GALNT17: variants seen among roughly 807,000 people sequenced by gnomAD.
The protein encoded by GALNT17 is UDP-GalNAc:polypeptide N-acetylgalactosaminyltransferase-like 3.
A neutral mutation model predicts 63.7 loss-of-function variants in GALNT17; 29 were observed. That is an observed-to-expected ratio of 0.46 (90% CI 0.34 to 0.62). GALNT17 has a LOEUF of 0.62. Among genes scored for constraint, GALNT17 ranks in the 20% least tolerant of loss-of-function variants. The pLI is 0.01. For missense variants in GALNT17, 603 were observed against 799.6 expected (o/e 0.75, Z 2.97); for synonymous variants, 305 against 318.3 (o/e 0.96, Z 0.45).
At chr7:71,711,086 G>T (rs1370175755) in intron 10 of GALNT17, among the ~76,000 whole-genome samples, 158 bp downstream of exon 10, 1 of 152,048 alleles carries the variant, frequency 6.6e-6, no homozygotes. Flanking sequence ...AGCACTTCCT[G>T]GGGGCAGCTG....
At chr7:71,214,579 CTT>C (rs11442081) in intron 1 of GALNT17, among the ~76,000 whole-genome samples, 19 of 138,032 alleles carry the variant, frequency 1.4e-4, no homozygotes, top group Non-Finnish European at 1.1e-4. Flanking sequence ...CTTGATTTGG[CTT>C]TTTTTTTTTT....
intron 1 of GALNT17, among the ~76,000 whole-genome samples, chr7:71,318,701 T>C (rs1791547057): frequency 6.6e-6 from 1 of 152,142 alleles, no homozygotes; most frequent in South Asian, 2.1e-4. Flanking sequence ...GTGCTGGAAT[T>C]ACAGATGTGA....
At chr7:71,370,296 C>T (rs1792597701) in intron 2 of GALNT17, among the ~76,000 whole-genome samples, 1 of 152,098 alleles carries the variant, frequency 6.6e-6, no homozygotes, top group African/African-American at 2.4e-5. Context: ...AGTGGAGTGA[C>T]TGATTTTATG....
intron 1 of GALNT17, among the ~76,000 whole-genome samples, chr7:71,313,104 C>T (rs570853148): frequency 7.2e-5 from 11 of 152,126 alleles, no homozygotes; most frequent in African/African-American, 9.6e-5. Flanking sequence ...AGCGAGACCC[C>T]GTATCTTTAA....
chr7:71,338,811 G>T (rs1457971695), intron 2 of GALNT17, among the ~76,000 whole-genome samples: 1 of 152,142 alleles, frequency 6.6e-6, no homozygotes, highest in East Asian at 1.9e-4. Flanking sequence ...AATCAGTTAA[G>T]TGTCTTGGTT....
intron 1 of GALNT17, among the ~76,000 whole-genome samples, chr7:71,319,866 G>A (rs1791572936): frequency 6.6e-6 from 1 of 152,214 alleles, no homozygotes; most frequent in African/African-American, 2.4e-5. Context: ...CTAAGCCACA[G>A]ATTGGATCTT....
intron 5 of GALNT17, among the ~76,000 whole-genome samples, chr7:71,424,901 C>T (rs999248924): frequency 2.0e-5 from 3 of 152,260 alleles, no homozygotes; most frequent in Non-Finnish European, 2.9e-5. Flanking sequence ...ACTGAGACTT[C>T]CCGGTAAGCA....
At chr7:71,393,163 A>G (rs1793079982) in intron 3 of GALNT17, among the ~76,000 whole-genome samples, 1 of 152,128 alleles carries the variant, frequency 6.6e-6, no homozygotes, top group South Asian at 2.1e-4. Flanking sequence ...GCATGGCTTC[A>G]TTAATAGTGA....
At chr7:71,554,513 G>T (rs1009012944) in intron 5 of GALNT17, among the ~76,000 whole-genome samples, 1 of 152,042 alleles carries the variant, frequency 6.6e-6, no homozygotes, top group South Asian at 2.1e-4. Flanking sequence ...CCTCCCCTTC[G>T]CCTGGGGTAC....
chr7:71,300,755 T>C (rs140413045), intron 1 of GALNT17: 52 of 219,480 alleles, frequency 2.4e-4, no homozygotes, highest in African/African-American at 1.2e-3. Flanking sequence ...TCCTCTCAGC[T>C]AGGACTTTCT....
intron 5 of GALNT17, among the ~76,000 whole-genome samples, chr7:71,564,607 A>T (rs1282286207): frequency 6.6e-6 from 1 of 151,840 alleles, no homozygotes; most frequent in African/African-American, 2.4e-5. Context: ...TTTTCCTGTG[A>T]CACCAACAGC....
chr7:71,180,043 T>A (rs1160895912), intron 1 of GALNT17, among the ~76,000 whole-genome samples: 1 of 152,218 alleles, frequency 6.6e-6, no homozygotes, highest in Non-Finnish European at 1.5e-5. Flanking sequence ...AAACTGTACT[T>A]ATTTAAAGCA....
intron 3 of GALNT17, among the ~76,000 whole-genome samples, chr7:71,391,633 C>T (rs59245359): frequency 0.017 from 2,548 of 151,976 alleles, 77 homozygotes; most frequent in African/African-American, 0.058. Context: ...CAGGCATGTG[C>T]CATCATGCCT....
intron 6 of GALNT17, among the ~76,000 whole-genome samples, chr7:71,593,568 G>A (rs1295152605): frequency 6.6e-6 from 1 of 152,032 alleles, no homozygotes; most frequent in Non-Finnish European, 1.5e-5. Flanking sequence ...CTGGCCCCTT[G>A]ACAATTTTGA....
At chr7:71,693,297 C>CATATATATATATAT (rs1277874254) in intron 9 of GALNT17, among the ~76,000 whole-genome samples, 2 of 115,620 alleles carry the variant, frequency 1.7e-5, no homozygotes, top group African/African-American at 7.8e-5. Context: ...CACACACACA[C>CATATATATATATAT]ACACACACAC....
chr7:71,436,111 C>T (rs1176797960), intron 5 of GALNT17, among the ~76,000 whole-genome samples: 1 of 152,050 alleles, frequency 6.6e-6, no homozygotes, highest in African/African-American at 2.4e-5. Flanking sequence ...TCCCAGACAG[C>T]TGGCTCTGGT....
chr7:71,625,447 G>A (rs903747397), intron 6 of GALNT17, among the ~76,000 whole-genome samples: 5 of 152,028 alleles, frequency 3.3e-5, no homozygotes, highest in Non-Finnish European at 7.4e-5. Flanking sequence ...AGCCCAGCTG[G>A]TCTCCAGCCT....
intron 5 of GALNT17, among the ~76,000 whole-genome samples, chr7:71,489,045 C>T (rs1031115286): frequency 6.6e-6 from 1 of 151,100 alleles, no homozygotes; most frequent in African/African-American, 2.4e-5. Context: ...AGGCGAGCAC[C>T]ACCACACCTC....
rs1187598767 is a variant in GALNT17, at chr7:71,699,052, A to T, written c.1501-11709A>T. Among the ~76,000 whole-genome samples the T allele has an allele frequency of 7.9e-5, 12 of 151,080 alleles. No homozygotes were observed. In the Admixed American group the frequency reaches 8.0e-4, roughly 10 times the overall value. On this transcript the variant is annotated intron_variant, in intron 9 of 10. Transcript: ENST00000333538. ...CTGGGCATGGCAGCGTGTGCCTGTA[A>T]TCCCACCTACTCGGGAGGCTGAGGC... is the stretch of plus-strand genomic sequence containing the variant.
Sources: allele counts gnomAD v4.1 joint callset (sites outside exome capture counted in the v4.1 genomes callset), GRCh38; gene constraint gnomAD v4.1.1; transcripts MANE v1.5; gene names NCBI Gene and HGNC (gene_info 2026-07-23, HGNC 2026-07-21).